Variants in NETO1 observed in about 807,000 individuals in gnomAD.
NETO1 encodes neuropilin and tolloid-like protein 1.
In NETO1, 26 loss-of-function variants were observed where a neutral mutation model predicts 61.3. That is an observed-to-expected ratio of 0.42 (90% CI 0.31 to 0.59). NETO1 has a LOEUF of 0.59. Among genes scored for constraint, NETO1 ranks in the 20% least tolerant of loss-of-function variants. NETO1 has a pLI of 0.12. For missense variants in NETO1, 531 were observed against 662.8 expected, an observed-to-expected ratio of 0.80 and a Z score of 2.18; for synonymous variants, 225 against 225.8, an observed-to-expected ratio of 1.00 and a Z score of 0.03.
chr18:72,752,149 C>T (rs895018448), intron 8 of NETO1: 2 of 152,070 alleles, frequency 1.3e-5, no homozygotes, highest in Non-Finnish European at 2.9e-5. Context: ...TTTAACAGAA[C>T]GAGCTAGGAG....
intron 4 of NETO1, among the ~76,000 whole-genome samples, chr18:72,817,348 T>C (rs928267332): frequency 6.6e-6 from 1 of 152,222 alleles, no homozygotes; most frequent in Admixed American, 6.5e-5. Context: ...TTCCCAGCTA[T>C]GGCCAAGAAC....
At position 72,834,919 on chromosome 18, in the gene NETO1, T is replaced by C. The variant is rs145314158; in HGVS notation, c.469+23907A>G. ...ATATAATTATAATCTTTTAATATCA[T>C]ATATAAAATAACATTTAAAATAATA... On this transcript the variant is annotated intron_variant, in intron 4 of 10. Transcript: ENST00000327305. 23 of 754,248 alleles carry C rather than the reference T, an allele frequency of 3.0e-5. No individual in the cohort carries two copies. The East Asian group carries it at 2.7e-3, about 89-fold the overall frequency. 46.7% of individuals were successfully genotyped at this position (754,248 alleles called of 1,614,324 possible).
At chr18:72,792,712 A>G (rs2072165080) in intron 6 of NETO1, among the ~76,000 whole-genome samples, 1 of 151,846 alleles carries the variant, frequency 6.6e-6, no homozygotes, top group Admixed American at 6.6e-5. Flanking sequence ...TCGCTGAAGC[A>G]CTCCGGGTGA....
At chr18:72,837,818 C>G (rs577065146) in intron 4 of NETO1, among the ~76,000 whole-genome samples, 2 of 152,130 alleles carry the variant, frequency 1.3e-5, no homozygotes, top group African/African-American at 4.8e-5. Flanking sequence ...CAACAAAAAC[C>G]TTTTAGGACT....
At chr18:72,802,175 T>C (rs903290459) in intron 4 of NETO1, among the ~76,000 whole-genome samples, 120 of 126,996 alleles carry the variant, frequency 9.4e-4, no homozygotes, top group African/African-American at 3.0e-3. Context: ...AAAAAAACAG[T>C]ATATTTTTAA....
intron 4 of NETO1, among the ~76,000 whole-genome samples, chr18:72,812,815 T>C (rs760576429): frequency 1.4e-4 from 22 of 152,160 alleles, no homozygotes; most frequent in Non-Finnish European, 2.9e-4. Flanking sequence ...TCAAGATCCA[T>C]CTCCTAAGTT....
At chr18:72,802,758 A>G (rs576142431) in intron 4 of NETO1, among the ~76,000 whole-genome samples, 2 of 152,336 alleles carry the variant, frequency 1.3e-5, no homozygotes, top group South Asian at 4.1e-4. Flanking sequence ...CTTAGCAGCT[A>G]GTGTTCACTG....
intron 7 of NETO1, among the ~76,000 whole-genome samples, chr18:72,770,567 A>G (rs891534540): frequency 3.3e-5 from 5 of 152,146 alleles, no homozygotes; most frequent in African/African-American, 7.2e-5. Context: ...ACATAAATAA[A>G]TATTTCCTAT....
chr18:72,857,646 T>G (rs1226968398), intron 4 of NETO1, among the ~76,000 whole-genome samples: 1 of 152,194 alleles, frequency 6.6e-6, no homozygotes, highest in Non-Finnish European at 1.5e-5. Flanking sequence ...GCACTAATAA[T>G]CTGAACAAAC....
rs59295880 is a variant in NETO1, at chr18:72,843,564, C to G, written c.469+15262G>C. ...ACTAAACCCAATATTAGTACATGAT[C>G]TGGTCATTTCATATGCGGTGTAGCT... is the stretch of plus-strand genomic sequence containing the variant. On this transcript the variant is annotated intron_variant, in intron 4 of 10. Transcript: ENST00000327305. 8.2e-3 allele frequency among the ~76,000 whole-genome samples: 1,248 copies of G among 152,282 alleles called. 16 individuals carry two copies. Among genetic ancestry groups the G allele is most frequent in the African/African-American group, 0.028 (1,164 of 41,556 alleles).
At chr18:72,852,989 C>G (rs995734490) in intron 4 of NETO1, among the ~76,000 whole-genome samples, 1 of 151,790 alleles carries the variant, frequency 6.6e-6, no homozygotes, top group Admixed American at 6.6e-5. Flanking sequence ...CCTGCCACCA[C>G]GCCCGACTAA....
At chr18:72,840,515 C>T (rs2073896393) in intron 4 of NETO1, among the ~76,000 whole-genome samples, 1 of 152,152 alleles carries the variant, frequency 6.6e-6, no homozygotes, top group Admixed American at 6.5e-5. Flanking sequence ...AATAGGAGGG[C>T]AATTACTGAG....
At chr18:72,781,870 T>A (rs57005432) in intron 7 of NETO1, among the ~76,000 whole-genome samples, 50,701 of 152,004 alleles carry the variant, frequency 0.33, 8,706 homozygotes, top group Admixed American at 0.46. Flanking sequence ...TGTTTCAGAT[T>A]CGGGGTACAT....
At chr18:72,799,781 G>A (rs142164826) in intron 4 of NETO1, among the ~76,000 whole-genome samples, 58 of 152,334 alleles carry the variant, frequency 3.8e-4, no homozygotes, top group African/African-American at 1.3e-3. Context: ...TAGATCACTG[G>A]CCAGAGTTTT....
intron 6 of NETO1, among the ~76,000 whole-genome samples, chr18:72,787,527 C>T (rs1315319935): frequency 6.6e-6 from 1 of 152,140 alleles, no homozygotes; most frequent in Non-Finnish European, 1.5e-5. Flanking sequence ...AAATTTCTAA[C>T]ATTGCATGTA....
chr18:72,809,503 T>C (rs1001555874), intron 4 of NETO1, among the ~76,000 whole-genome samples: 5 of 152,206 alleles, frequency 3.3e-5, no homozygotes, highest in Non-Finnish European at 4.4e-5. Flanking sequence ...ACGTATCAAC[T>C]AGTTAATAGA....
At chr18:72,824,721 C>A (rs116211818) in intron 4 of NETO1, among the ~76,000 whole-genome samples, 10,190 of 107,846 alleles carry the variant, frequency 0.094, 739 homozygotes, top group African/African-American at 0.22. Context: ...AAAAAAAAAA[C>A]AAACAAAAAA....
At chr18:72,804,555 T>A (rs1173889337) in intron 4 of NETO1, among the ~76,000 whole-genome samples, 2 of 152,204 alleles carry the variant, frequency 1.3e-5, no homozygotes, top group African/African-American at 4.8e-5. Context: ...TTCAGTGCTG[T>A]CTCTAGAACA....
chr18:72,786,018 T>C (rs1291328835), intron 6 of NETO1, among the ~76,000 whole-genome samples: 2 of 152,226 alleles, frequency 1.3e-5, no homozygotes, highest in East Asian at 1.9e-4. Flanking sequence ...CAGTGGTATA[T>C]ATTTTTGTAT....
Sources: gnomAD v4.1 joint callset for allele counts (sites outside exome capture counted in the v4.1 genomes callset) on GRCh38, gnomAD v4.1.1 for gene constraint, MANE v1.5 for transcripts, NCBI Gene and HGNC (gene_info 2026-07-23, HGNC 2026-07-21) for gene names.